Variants in GRIK1 observed in about 807,000 individuals in gnomAD.
The protein encoded by GRIK1 is glutamate ionotropic receptor kainate type subunit 1.
In GRIK1, 69 loss-of-function variants were observed where a neutral mutation model predicts 105.7. That is an observed-to-expected ratio of 0.65 (90% CI 0.54 to 0.80). The LOEUF is 0.80. Among genes scored for constraint, GRIK1 ranks in the 30% least tolerant of loss-of-function variants. The pLI, the probability that GRIK1 is intolerant of heterozygous loss-of-function variation, is 0.00. For synonymous variants in GRIK1, 438 were observed against 431.3 expected (o/e 1.02, Z -0.19); for missense variants, 1,109 against 1,167.3 (o/e 0.95, Z 0.73).
rs537716703 is a variant in GRIK1 at position 29,723,440 on chromosome 21, G to A, written c.119-29377C>T. ...AGCTATTGAGCTATATTTATCTTCC[G>A]AGTAGTTTTAGAGTAATTGCTCCCA... is the stretch of plus-strand genomic sequence containing the variant. On this transcript the variant is annotated intron_variant, in intron 1 of 17. Coordinates refer to ENST00000327783, the MANE Select transcript of GRIK1 (RefSeq NM_001330994.2). Among the ~76,000 whole-genome samples the A allele has an allele frequency of 7.9e-5, 12 of 152,238 alleles. No individual in the cohort carries two copies. In the South Asian group the frequency reaches 1.9e-3, roughly 24 times the overall value.
chr21:29,809,588 CA>C (rs1311840660), intron 1 of GRIK1, among the ~76,000 whole-genome samples: 4 of 152,144 alleles, frequency 2.6e-5, no homozygotes, highest in Non-Finnish European at 5.9e-5. Context: ...TTTATATCAG[CA>C]ATAAGGCTGT....
intron 1 of GRIK1, among the ~76,000 whole-genome samples, chr21:29,770,979 G>A (rs532896219): frequency 1.3e-5 from 2 of 152,216 alleles, no homozygotes; most frequent in South Asian, 2.1e-4. Flanking sequence ...GACACCAAAG[G>A]TAAAAATAAT....
At chr21:29,852,108 T>A (rs924102028) in intron 1 of GRIK1, among the ~76,000 whole-genome samples, 2 of 152,104 alleles carry the variant, frequency 1.3e-5, no homozygotes, top group Non-Finnish European at 2.9e-5. Context: ...AAGTTCACAG[T>A]TGTCTCTGAT....
intron 7 of GRIK1, among the ~76,000 whole-genome samples, chr21:29,603,186 T>C (rs190185442): frequency 1.5e-3 from 227 of 152,138 alleles, no homozygotes; most frequent in Admixed American, 2.4e-3. Context: ...ACCATTCAGA[T>C]AGAGTGGATA....
intron 7 of GRIK1, among the ~76,000 whole-genome samples, chr21:29,633,843 T>A (rs2062338437): frequency 6.6e-6 from 1 of 152,148 alleles, no homozygotes. Context: ...CAGCTAACTT[T>A]CAAGAGGTGC....
intron 1 of GRIK1, among the ~76,000 whole-genome samples, chr21:29,733,344 T>A (rs2064688892): frequency 2.6e-5 from 4 of 152,158 alleles, no homozygotes; most frequent in Non-Finnish European, 5.9e-5. Flanking sequence ...AAATACACAA[T>A]GCTATTTATC....
rs182989642 is a variant in GRIK1, at chr21:29,884,673, T to C, written c.118+54710A>G. 2.6e-5 allele frequency among the ~76,000 whole-genome samples: 4 copies of C among 152,166 alleles called. No homozygotes were observed. The East Asian group carries it at 7.7e-4, about 29-fold the overall frequency. On this transcript the variant is annotated intron_variant, in intron 1 of 17. Coordinates refer to ENST00000327783, the MANE Select transcript of GRIK1 (RefSeq NM_001330994.2). ...ACTAGTAATAACTGAAAACATAGAT[T>C]ATCAGCTATTGTGCTACATGCTTTA...
intron 1 of GRIK1, among the ~76,000 whole-genome samples, chr21:29,734,466 T>A (rs951792053): frequency 6.6e-6 from 1 of 151,416 alleles, no homozygotes; most frequent in Non-Finnish European, 1.5e-5. Context: ...TGGAGTGCAG[T>A]GGCACAATCA....
At chr21:29,746,819 G>A (rs1310728172) in intron 1 of GRIK1, among the ~76,000 whole-genome samples, 4 of 152,176 alleles carry the variant, frequency 2.6e-5, no homozygotes, top group Admixed American at 6.5e-5. Flanking sequence ...TTCTTTTGAT[G>A]TTCAAAGTAA....
chr21:29,884,953 T>A (rs1004593117), intron 1 of GRIK1, among the ~76,000 whole-genome samples: 4 of 152,054 alleles, frequency 2.6e-5, no homozygotes, highest in African/African-American at 4.8e-5. Flanking sequence ...TGCTCAAAAC[T>A]GTTCCATAAA....
intron 1 of GRIK1, among the ~76,000 whole-genome samples, chr21:29,751,054 C>T (rs572825711): frequency 1.8e-4 from 27 of 152,088 alleles, no homozygotes; most frequent in African/African-American, 5.8e-4. Context: ...CAGTGGGGGA[C>T]CTTTTGAGCC....
At chr21:29,678,821 C>T (rs909863300) in intron 3 of GRIK1, among the ~76,000 whole-genome samples, 67 of 152,124 alleles carry the variant, frequency 4.4e-4, no homozygotes, top group Non-Finnish European at 2.5e-4. Flanking sequence ...AAAAGAGTCA[C>T]TTATTTGGCA....
chr21:29,730,663 C>A (rs930164611), intron 1 of GRIK1, among the ~76,000 whole-genome samples: 1 of 152,116 alleles, frequency 6.6e-6, no homozygotes, highest in African/African-American at 2.4e-5. Flanking sequence ...GCTTCTCTTC[C>A]TCAGCCTGCT....
intron 1 of GRIK1, among the ~76,000 whole-genome samples, chr21:29,800,634 A>G (rs2066680474): frequency 6.6e-6 from 1 of 152,258 alleles, no homozygotes; most frequent in South Asian, 2.1e-4. Flanking sequence ...ATGAAAATAA[A>G]GTTAATGAAA....
chr21:29,764,664 A>G (rs991642976), intron 1 of GRIK1, among the ~76,000 whole-genome samples: 3 of 152,210 alleles, frequency 2.0e-5, no homozygotes, highest in African/African-American at 7.2e-5. Flanking sequence ...TGATGGCTAT[A>G]TCTTCATAAA....
intron 3 of GRIK1, among the ~76,000 whole-genome samples, chr21:29,675,456 T>C (rs762835525): frequency 6.6e-5 from 10 of 152,192 alleles, no homozygotes; most frequent in Non-Finnish European, 1.3e-4. Flanking sequence ...AAAGTGCATT[T>C]TGTGTGCTTC....
intron 6 of GRIK1, 91 bp downstream of exon 6, chr21:29,651,027 A>C (rs1203409601): frequency 1.0e-6 from 1 of 957,660 alleles, no homozygotes; most frequent in East Asian, 2.6e-5. Flanking sequence ...CCACTGTAAC[A>C]CTTTTCTCTA....
At chr21:29,745,829 C>T (rs923014983) in intron 1 of GRIK1, among the ~76,000 whole-genome samples, 8 of 152,196 alleles carry the variant, frequency 5.3e-5, no homozygotes, top group Non-Finnish European at 1.2e-4. Flanking sequence ...AGAGTCCGGG[C>T]ATGGTGGCTC....
At chr21:29,756,719 A>G (rs994024723) in intron 1 of GRIK1, among the ~76,000 whole-genome samples, 1 of 152,198 alleles carries the variant, frequency 6.6e-6, no homozygotes, top group Non-Finnish European at 1.5e-5. Flanking sequence ...AAAAAAAACT[A>G]GAAATGATTA....
Sources: allele counts gnomAD v4.1 joint callset (sites outside exome capture counted in the v4.1 genomes callset), GRCh38; gene constraint gnomAD v4.1.1; transcripts MANE v1.5; gene names NCBI Gene and HGNC (gene_info 2026-07-23, HGNC 2026-07-21).